The following SLC1A7 variants were observed in gnomAD, a reference collection of about 807,000 sequenced individuals.
The protein encoded by SLC1A7 is solute carrier family 1 member 7.
In SLC1A7, 40 loss-of-function variants were observed where a neutral mutation model predicts 47.7. That is an observed-to-expected ratio of 0.84 (90% CI 0.65 to 1.09). The LOEUF (loss-of-function observed/expected upper bound fraction) is 1.09, where lower values mean the gene tolerates loss of function less well. SLC1A7 is among the 50% of genes least tolerant of loss of function. The pLI is 0.00. For missense variants in SLC1A7, 746 were observed against 769.5 expected, an observed-to-expected ratio of 0.97 and a Z score of 0.36; for synonymous variants, 323 against 325.6, an observed-to-expected ratio of 0.99 and a Z score of 0.09.
chr1:53,097,421 A>G (rs61769972), intron 5 of SLC1A7, among the ~76,000 whole-genome samples: 22 of 82,802 alleles, frequency 2.7e-4, no homozygotes, highest in Non-Finnish European at 5.0e-4. Flanking sequence ...CCTTGGTACA[A>G]TCACACACAC....
At chr1:53,125,475 A>C (rs932625051) in intron 2 of SLC1A7, among the ~76,000 whole-genome samples, 1 of 152,158 alleles carries the variant, frequency 6.6e-6, no homozygotes, top group African/African-American at 2.4e-5. Context: ...GAGGAAAAAG[A>C]CTAAGACCTG....
chr1:53,088,478 G>A (rs1164394142), intron 10 of SLC1A7, among the ~76,000 whole-genome samples: 1 of 152,068 alleles, frequency 6.6e-6, no homozygotes, highest in Non-Finnish European at 1.5e-5. Flanking sequence ...GGGAATTGGT[G>A]GATCCCCTGC....
intron 7 of SLC1A7, 166 bp from the exon 8 acceptor site, chr1:53,090,972 A>G: frequency 1.3e-6 from 2 of 1,496,332 alleles, no homozygotes; most frequent in Non-Finnish European, 1.8e-6. Flanking sequence ...CAGTGCTCTC[A>G]CTTGGTTCTT....
At chr1:53,134,031 A>G (rs1644966484) in intron 2 of SLC1A7, among the ~76,000 whole-genome samples, 2 of 152,142 alleles carry the variant, frequency 1.3e-5, no homozygotes, top group African/African-American at 4.8e-5. Flanking sequence ...GCCTTGCTGC[A>G]TTACCATGAA....
intron 1 of SLC1A7, among the ~76,000 whole-genome samples, chr1:53,136,664 ATATTTT>A (rs1193418634): frequency 2.1e-5 from 1 of 46,962 alleles, no homozygotes; most frequent in African/African-American, 8.5e-5. Context: ...ATATATATAT[ATATTTT>A]TTTTTTTTTT....
intron 3 of SLC1A7, among the ~76,000 whole-genome samples, chr1:53,109,065 G>A (rs1351541747): frequency 1.3e-5 from 2 of 152,054 alleles, no homozygotes; most frequent in Non-Finnish European, 2.9e-5. Context: ...TAATAGCCAT[G>A]CCTATCAAAT....
intron 1 of SLC1A7, among the ~76,000 whole-genome samples, chr1:53,134,964 AT>A (rs11299691): frequency 1 from 151,981 of 152,224 alleles, 75,870 homozygotes; most frequent in Middle Eastern, 1. Flanking sequence ...GTTCTCACCC[AT>A]TTTTCAGACC....
At chr1:53,111,055 A>G (rs1644696374) in intron 3 of SLC1A7, among the ~76,000 whole-genome samples, 1 of 152,136 alleles carries the variant, frequency 6.6e-6, no homozygotes, top group South Asian at 2.1e-4. Flanking sequence ...GGCATATTAC[A>G]TTCCAGTGGA....
chr1:53,132,114 G>A (rs1343948779), intron 2 of SLC1A7, among the ~76,000 whole-genome samples: 2 of 152,180 alleles, frequency 1.3e-5, no homozygotes, highest in African/African-American at 4.8e-5. Context: ...CATGGGATGA[G>A]GTGGGGTGGG....
At chr1:53,105,431 C>T (rs114401109) in intron 4 of SLC1A7, among the ~76,000 whole-genome samples, 7 of 152,252 alleles carry the variant, frequency 4.6e-5, no homozygotes, top group African/African-American at 1.4e-4. Flanking sequence ...ACCTCAGTGC[C>T]GAGTTACTGT....
intron 3 of SLC1A7, chr1:53,108,761 G>A: frequency 4.5e-6 from 3 of 669,560 alleles, no homozygotes. Context: ...GTGACTGCCA[G>A]CTGCCCACCT....
chr1:53,090,343 C>A, intron 8 of SLC1A7: 3 of 567,918 alleles, frequency 5.3e-6, no homozygotes, highest in Non-Finnish European at 9.2e-6. Flanking sequence ...TCAGCCGCAT[C>A]CCAGCACCCC....
chr1:53,129,763 C>T lies in SLC1A7; in HGVS notation c.215+4587G>A, dbSNP rs1420824630. 3.5e-5 allele frequency among the ~76,000 whole-genome samples: 5 copies of T among 141,112 alleles called. 1 individual carries two copies. The highest frequency in any genetic ancestry group is 4.7e-5 in the Non-Finnish European group (3 of 64,130). 92.6% of individuals were successfully genotyped at this position (141,112 alleles called of 152,430 possible). On this transcript the variant is annotated intron_variant, in intron 2 of 10. Coordinates refer to ENST00000371494, the MANE Select transcript of SLC1A7 (RefSeq NM_006671.6). ...TGCAGTCACCCACACTTCTTTACAC[C>T]TCACCACCTCCCTTTGCTTGTTGTT...
At chr1:53,113,870 G>C (rs1288374) in intron 3 of SLC1A7, among the ~76,000 whole-genome samples, 147,287 of 152,190 alleles carry the variant, frequency 0.97, 71,452 homozygotes, top group Middle Eastern at 1. Flanking sequence ...CCTTCTCCCC[G>C]CAGACGGTTC....
intron 2 of SLC1A7, among the ~76,000 whole-genome samples, chr1:53,126,280 G>A (rs1342214486): frequency 6.6e-6 from 1 of 152,230 alleles, no homozygotes; most frequent in Admixed American, 6.5e-5. Context: ...CTCCTCTCTC[G>A]TGGCCCTCAC....
chr1:53,108,404 G>C (rs1679938), intron 3 of SLC1A7: 1 of 594,852 alleles, frequency 1.7e-6, no homozygotes, highest in Non-Finnish European at 3.0e-6. Context: ...GCCTTGGCAG[G>C]GACAGCTAGT....
Position 53,093,454 on chromosome 1 carries a change from G to T in SLC1A7, c.797+7C>A. The T allele has an allele frequency of 1.2e-6, 2 of 1,602,996 alleles. No individual in the cohort carries two copies. The highest frequency in any genetic ancestry group is 1.1e-5 in the South Asian group (1 of 89,228). On this transcript the variant is annotated splice_region_variant and intron_variant, in intron 6 of 10. Coordinates refer to ENST00000371494, the MANE Select transcript of SLC1A7 (RefSeq NM_006671.6). ...CCGGGGTGAGGTGGGTAAATGAGGA[G>T]GCTTACCACACAGCCACCGCCACGA...
intron 1 of SLC1A7, among the ~76,000 whole-genome samples, chr1:53,141,415 C>T (rs1224200999): frequency 6.6e-6 from 1 of 152,158 alleles, no homozygotes; most frequent in East Asian, 1.9e-4. Flanking sequence ...ATAACTACCC[C>T]CCTACCACAA....
intron 2 of SLC1A7, among the ~76,000 whole-genome samples, chr1:53,130,357 T>C (rs1644930178): frequency 6.6e-6 from 1 of 152,138 alleles, no homozygotes; most frequent in Admixed American, 6.5e-5. Context: ...GTTCCAGGGC[T>C]TGGCATGGGG....
Sources: gnomAD v4.1 joint callset for allele counts (sites outside exome capture counted in the v4.1 genomes callset) on GRCh38, gnomAD v4.1.1 for gene constraint, MANE v1.5 for transcripts, NCBI Gene and HGNC (gene_info 2026-07-23, HGNC 2026-07-21) for gene names.